The following SGMS1 variants were observed in gnomAD, a reference collection of about 807,000 sequenced individuals.
SGMS1 encodes the protein sphingomyelin synthase 1.
A neutral mutation model predicts 46.2 loss-of-function variants in SGMS1; 13 were observed. The ratio of observed to expected loss-of-function variants is 0.28; its 90% CI spans 0.18 to 0.45. The LOEUF (loss-of-function observed/expected upper bound fraction) is 0.45, where lower values mean the gene tolerates loss of function less well. Ranked by LOEUF, SGMS1 falls within the 20% of genes least tolerant of loss-of-function variation. SGMS1 has a pLI of 1.00. For synonymous variants in SGMS1, 203 were observed against 187.8 expected, an observed-to-expected ratio of 1.08 and a Z score of -0.66; for missense variants, 324 against 519.9, an observed-to-expected ratio of 0.62 and a Z score of 3.66.
chr10:50,615,719 A>G (rs1330341845), intron 1 of SGMS1, among the ~76,000 whole-genome samples: 2 of 152,208 alleles, frequency 1.3e-5, no homozygotes, highest in Non-Finnish European at 2.9e-5. Context: ...CAAGGCTCCC[A>G]ACAGAAATGA....
intron 1 of SGMS1, among the ~76,000 whole-genome samples, chr10:50,612,244 G>A (rs918601008): frequency 6.6e-6 from 1 of 152,186 alleles, no homozygotes; most frequent in Non-Finnish European, 1.5e-5. Flanking sequence ...ATAACATCCC[G>A]TCTTCATGGA....
intron 3 of SGMS1, among the ~76,000 whole-genome samples, chr10:50,509,137 C>T (rs1047266587): frequency 6.6e-6 from 1 of 152,156 alleles, no homozygotes; most frequent in African/African-American, 2.4e-5. Flanking sequence ...TAATCTTATA[C>T]ATATTGTTGA....
intron 3 of SGMS1, among the ~76,000 whole-genome samples, chr10:50,516,491 T>C (rs1837807593): frequency 6.6e-6 from 1 of 152,158 alleles, no homozygotes; most frequent in African/African-American, 2.4e-5. Flanking sequence ...GCATAACAAA[T>C]TGGTGCTGAA....
intron 4 of SGMS1, among the ~76,000 whole-genome samples, chr10:50,461,315 G>A (rs181276555): frequency 4.5e-4 from 68 of 152,236 alleles, no homozygotes; most frequent in Non-Finnish European, 6.6e-4. Flanking sequence ...AGCTTTTATA[G>A]TTATATATGT....
intron 2 of SGMS1, among the ~76,000 whole-genome samples, chr10:50,535,485 C>T (rs1373567050): frequency 1.3e-5 from 2 of 151,970 alleles, no homozygotes; most frequent in Admixed American, 1.3e-4. Context: ...CCTGCCTCAG[C>T]TTCTCAAGTA....
intron 6 of SGMS1, among the ~76,000 whole-genome samples, chr10:50,359,903 T>C (rs572549843): frequency 6.6e-6 from 1 of 152,280 alleles, no homozygotes; most frequent in East Asian, 1.9e-4. Flanking sequence ...AGGGTTAACT[T>C]CTTAACCCTT....
intron 6 of SGMS1, among the ~76,000 whole-genome samples, chr10:50,430,071 T>C (rs573676221): frequency 6.6e-6 from 1 of 152,232 alleles, no homozygotes; most frequent in South Asian, 2.1e-4. Flanking sequence ...GATCTTCCTC[T>C]ACCATCTCTG....
At chr10:50,380,584 C>T (rs1410224271) in intron 6 of SGMS1, among the ~76,000 whole-genome samples, 1 of 152,054 alleles carries the variant, frequency 6.6e-6, no homozygotes. Context: ...AGTACAGAAA[C>T]GTCCATGCCA....
chr10:50,577,680 G>A (rs1218082272), intron 2 of SGMS1, among the ~76,000 whole-genome samples: 3 of 152,184 alleles, frequency 2.0e-5, no homozygotes, highest in Middle Eastern at 3.2e-3. Context: ...TTTCCTCAAA[G>A]GTTCATAGAG....
chr10:50,377,839 C>T (rs750191751), intron 6 of SGMS1, among the ~76,000 whole-genome samples: 7 of 152,156 alleles, frequency 4.6e-5, no homozygotes, highest in African/African-American at 1.2e-4. Flanking sequence ...TGGCATTCTT[C>T]GATTTGTGGC....
chr10:50,499,220 A>T (rs1837640890), intron 3 of SGMS1, among the ~76,000 whole-genome samples: 3 of 152,340 alleles, frequency 2.0e-5, no homozygotes, highest in Admixed American at 2.0e-4. Context: ...TCAAATATGA[A>T]ACAGCTACTT....
intron 2 of SGMS1, among the ~76,000 whole-genome samples, chr10:50,528,290 T>C (rs1368494115): frequency 2.6e-5 from 4 of 152,220 alleles, no homozygotes; most frequent in Non-Finnish European, 4.4e-5. Context: ...CAGCTGTGTA[T>C]TGAGGGACGA....
chr10:50,426,872 G>T (rs1849332705), intron 6 of SGMS1, among the ~76,000 whole-genome samples: 1 of 152,168 alleles, frequency 6.6e-6, no homozygotes, highest in African/African-American at 2.4e-5. Flanking sequence ...AAGACACGGA[G>T]ATCTAAAATT....
At chr10:50,496,992 C>A (rs1304918106) in intron 3 of SGMS1, among the ~76,000 whole-genome samples, 1 of 152,218 alleles carries the variant, frequency 6.6e-6, no homozygotes, top group African/African-American at 2.4e-5. Context: ...ACTCTAGCTT[C>A]CACCCACTGG....
chr10:50,427,964 C>T (rs571509952), intron 6 of SGMS1, among the ~76,000 whole-genome samples: 39 of 148,196 alleles, frequency 2.6e-4, no homozygotes, highest in African/African-American at 8.5e-4. Flanking sequence ...GGCTAAGCTG[C>T]GTGTGAATGA....
At chr10:50,321,666 A>G (rs1847447447) in intron 8 of SGMS1, among the ~76,000 whole-genome samples, 1 of 152,268 alleles carries the variant, frequency 6.6e-6, no homozygotes, top group South Asian at 2.1e-4. Flanking sequence ...ACCATCCAAC[A>G]GGATGGCAGG....
At chr10:50,623,439 T>G in intron 1 of SGMS1, 1 of 312,540 alleles carries the variant, frequency 3.2e-6, no homozygotes, top group Non-Finnish European at 4.6e-6. Context: ...CCGCCCCAAC[T>G]TAGCCGGGGA....
intron 1 of SGMS1, among the ~76,000 whole-genome samples, chr10:50,607,145 A>AT (rs1298270590): frequency 0.16 from 21,552 of 136,374 alleles, 1,778 homozygotes; most frequent in Non-Finnish European, 0.21. Context: ...CACCCAGGTA[A>AT]TTTTTTTTTT....
In SGMS1 at chr10:50,306,163, T is replaced by C. The variant is rs1589377800; in HGVS notation, c.*979A>G. 1 of 152,770 alleles carries C rather than the reference T, an allele frequency of 6.5e-6. No homozygotes were observed. Among genetic ancestry groups the C allele is most frequent in the East Asian group, 1.9e-4 (1 of 5,326 alleles). 9.5% of individuals were successfully genotyped at this position (152,770 alleles called of 1,614,324 possible). A position where few individuals can be genotyped will look rare whatever the true frequency, so the allele number is the denominator to read the frequency against. The stretch of plus-strand genomic sequence containing the variant: ...CAAATCGACGATAAAATAATTTAAG[T>C]GGTACATGTCATTGCTACCTGATCA... On this transcript the variant is annotated 3_prime_UTR_variant, in exon 11 of 11. Transcript: ENST00000361781.
Sources: gnomAD v4.1 joint callset for allele counts (sites outside exome capture counted in the v4.1 genomes callset) on GRCh38, gnomAD v4.1.1 for gene constraint, MANE v1.5 for transcripts, NCBI Gene and HGNC (gene_info 2026-07-23, HGNC 2026-07-21) for gene names.